BNC2: variants seen among roughly 807,000 people sequenced by gnomAD.
The protein encoded by BNC2 is zinc finger protein basonuclin-2.
A neutral mutation model predicts 76.3 loss-of-function variants in BNC2; 20 were observed. That is an observed-to-expected ratio of 0.26 (90% CI 0.18 to 0.38). The LOEUF (loss-of-function observed/expected upper bound fraction) is 0.38. BNC2 is among the 10% of genes least tolerant of loss of function. The probability of loss-of-function intolerance (pLI) is 1.00; values close to 1 mark genes in which losing one functional copy is unlikely to be tolerated. For synonymous variants in BNC2, 582 were observed against 514.8 expected, an observed-to-expected ratio of 1.13 and a Z score of -1.77; for missense variants, 1,382 against 1,399.8, an observed-to-expected ratio of 0.99 and a Z score of 0.20.
intron 3 of BNC2, among the ~76,000 whole-genome samples, chr9:16,698,729 G>A (rs1316571008): frequency 1.3e-5 from 2 of 151,304 alleles, no homozygotes; most frequent in Non-Finnish European, 2.9e-5. Context: ...CTATATTTAC[G>A]GACATGGAAA....
rs1819602258 is a variant in BNC2, at chr9:16,580,438, CAT to C, written c.433+2543_433+2544del. 2.0e-5 allele frequency among the ~76,000 whole-genome samples: 3 copies of C among 152,196 alleles called. No individual in the cohort carries two copies. The South Asian group carries it at 6.2e-4, about 32-fold the overall frequency. On this transcript the variant is annotated intron_variant, in intron 4 of 6. Transcript: ENST00000380672. The stretch of plus-strand genomic sequence containing the variant: ...AACACCAAAATTAATATCCTAGAAA[CAT>C]AGAATTTTTAATGGTACAGTAGAAA...
At chr9:16,429,313 G>GA (rs1820861309) in intron 6 of BNC2, 1 of 152,188 alleles carries the variant, frequency 6.6e-6, no homozygotes, top group Admixed American at 6.5e-5. Flanking sequence ...AGTTATACAA[G>GA]TGAATGTTAA....
At chr9:16,618,704 T>A (rs1820780187) in intron 3 of BNC2, among the ~76,000 whole-genome samples, 1 of 152,184 alleles carries the variant, frequency 6.6e-6, no homozygotes, top group African/African-American at 2.4e-5. Flanking sequence ...CACATGAGCC[T>A]TGATTGCACA....
chr9:16,674,747 G>C (rs1177285984), intron 3 of BNC2, among the ~76,000 whole-genome samples: 1 of 152,096 alleles, frequency 6.6e-6, no homozygotes, highest in Non-Finnish European at 1.5e-5. Flanking sequence ...TACCCAAGAA[G>C]GCACTTAAAG....
intron 5 of BNC2, among the ~76,000 whole-genome samples, chr9:16,456,530 C>CAAA (rs35557788): frequency 4.7e-5 from 5 of 107,226 alleles, no homozygotes; most frequent in Non-Finnish European, 1.0e-4. Context: ...GACTCCGTCT[C>CAAA]AAAAAAAAAA....
chr9:16,813,375 C>T (rs954241788), intron 1 of BNC2, among the ~76,000 whole-genome samples: 1 of 151,668 alleles, frequency 6.6e-6, no homozygotes, highest in Admixed American at 6.6e-5. Context: ...ACGCCATTCT[C>T]CTGCCTCAGC....
chr9:16,633,953 A>ACT (rs1224822408), intron 3 of BNC2, among the ~76,000 whole-genome samples: 76 of 152,334 alleles, frequency 5.0e-4, no homozygotes, highest in African/African-American at 1.7e-3. Flanking sequence ...ACTCTAGGCT[A>ACT]TTTAGCAAAA....
At chr9:16,600,051 A>G (rs752166193) in intron 3 of BNC2, among the ~76,000 whole-genome samples, 24 of 152,314 alleles carry the variant, frequency 1.6e-4, no homozygotes, top group Non-Finnish European at 3.1e-4. Flanking sequence ...TAAGAAACCT[A>G]TATCTAGACT....
At chr9:16,707,745 A>G (rs7875708) in intron 3 of BNC2, among the ~76,000 whole-genome samples, 143,582 of 152,230 alleles carry the variant, frequency 0.94, 67,767 homozygotes, top group African/African-American at 0.96. Flanking sequence ...AGGTTCAAGC[A>G]ATTCTCCTGC....
At chr9:16,762,107 G>T (rs1825568158) in intron 1 of BNC2, among the ~76,000 whole-genome samples, 3 of 152,130 alleles carry the variant, frequency 2.0e-5, no homozygotes. Context: ...GAGATCAAAA[G>T]AACCCATGCT....
intron 5 of BNC2, among the ~76,000 whole-genome samples, chr9:16,549,144 G>C (rs972209890): frequency 3.9e-5 from 6 of 152,112 alleles, no homozygotes; most frequent in African/African-American, 1.4e-4. Flanking sequence ...TTCAAAATCA[G>C]ATCAGACAAC....
At chr9:16,842,447 A>T (rs966304784) in intron 1 of BNC2, among the ~76,000 whole-genome samples, 1 of 152,160 alleles carries the variant, frequency 6.6e-6, no homozygotes, top group Middle Eastern at 3.2e-3. Flanking sequence ...TATAGAAAAC[A>T]GTGGGTCAAA....
chr9:16,610,386 C>A (rs1005078545), intron 3 of BNC2, among the ~76,000 whole-genome samples: 1 of 152,026 alleles, frequency 6.6e-6, no homozygotes, highest in East Asian at 1.9e-4. Flanking sequence ...TTAAATACCC[C>A]CAGAAGGAAT....
At chr9:16,553,276 C>G (rs1378006823) in intron 4 of BNC2, among the ~76,000 whole-genome samples, 2 of 152,106 alleles carry the variant, frequency 1.3e-5, no homozygotes, top group Non-Finnish European at 2.9e-5. Flanking sequence ...GTTCTTTAGA[C>G]GACAGGGGTG....
chr9:16,692,247 C>A (rs928648093), intron 3 of BNC2, among the ~76,000 whole-genome samples: 1 of 152,224 alleles, frequency 6.6e-6, no homozygotes, highest in Non-Finnish European at 1.5e-5. Flanking sequence ...ACTCTGACAA[C>A]TGACATTAAA....
At chr9:16,853,690 A>C (rs896837071) in intron 1 of BNC2, among the ~76,000 whole-genome samples, 1 of 152,072 alleles carries the variant, frequency 6.6e-6, no homozygotes, top group Non-Finnish European at 1.5e-5. Flanking sequence ...AACATGGTGA[A>C]ACCCTGTCTG....
intron 3 of BNC2, among the ~76,000 whole-genome samples, chr9:16,687,425 G>A (rs1178128030): frequency 6.6e-6 from 1 of 152,168 alleles, no homozygotes; most frequent in Non-Finnish European, 1.5e-5. Flanking sequence ...GCAGGGAGAA[G>A]AGCGGGGGCA....
chr9:16,810,503 C>T (rs568989852), intron 1 of BNC2, among the ~76,000 whole-genome samples: 38 of 152,288 alleles, frequency 2.5e-4, no homozygotes, highest in African/African-American at 8.4e-4. Flanking sequence ...CAGATGCTGC[C>T]GCTGCAGGCC....
chr9:16,547,792 C>G (rs1043206177), intron 5 of BNC2, among the ~76,000 whole-genome samples: 1 of 152,124 alleles, frequency 6.6e-6, no homozygotes, highest in South Asian at 2.1e-4. Flanking sequence ...TTCAAATGAG[C>G]TTGAAGGGAA....
Sources: gnomAD v4.1 joint callset for allele counts (sites outside exome capture counted in the v4.1 genomes callset) on GRCh38, gnomAD v4.1.1 for gene constraint, MANE v1.5 for transcripts, NCBI Gene and HGNC (gene_info 2026-07-23, HGNC 2026-07-21) for gene names.